The following SSMEM1 variants were observed in gnomAD, a reference collection of about 807,000 sequenced individuals.
SSMEM1 encodes the protein serine rich single-pass membrane protein 1.
In SSMEM1, 12 loss-of-function variants were observed where a neutral mutation model predicts 9.9. That is an observed-to-expected ratio of 1.21 (90% confidence interval 0.78 to 1.96). The LOEUF (loss-of-function observed/expected upper bound fraction) is 1.96, where lower values mean the gene tolerates loss of function less well. Ranked by LOEUF, SSMEM1 falls within the 30% of genes most tolerant of loss-of-function variation. The probability of loss-of-function intolerance (pLI) is 0.00; values close to 1 mark genes in which losing one functional copy is unlikely to be tolerated. For synonymous variants in SSMEM1, 96 were observed against 98.9 expected (o/e 0.97, Z 0.17); for missense variants, 259 against 292.2 (o/e 0.89, Z 0.83).
chr7:130,216,626 A>AT lies in SSMEM1; in HGVS notation c.*158dup, dbSNP rs769060863. 1.3e-5 allele frequency: 12 copies of AT among 913,392 alleles called. No individual in the cohort carries two copies. The highest frequency in any genetic ancestry group is 1.8e-5 in the Non-Finnish European group (11 of 625,340). 56.6% of individuals were successfully genotyped at this position (913,392 alleles called of 1,614,324 possible). ...AACCCAAGAGGTAAAATCTCACACA[A>AT]TTCTTCGTTCAAAAAAAAAAAGGCC... On this transcript the variant is annotated 3_prime_UTR_variant, in exon 3 of 3. Transcript: ENST00000297819.
At position 130,216,368 on chromosome 7, in the gene SSMEM1, G is replaced by T. The variant is rs374890168; in HGVS notation, c.633G>T (p.Ala211=). 1.2e-6 allele frequency: 2 copies of T among 1,614,046 alleles called. No individual in the cohort carries two copies. The highest frequency in any genetic ancestry group is 1.7e-6 in the Non-Finnish European group (2 of 1,180,040). Residue 211 remains alanine, a synonymous_variant, in exon 3 of 3, where the codon GCG becomes GCT. Transcript: ENST00000297819. The part of the protein sequence containing the change: ...CKALRTNEWL[A]HHSRQKPSVT... ...CCTTGAGAACCAACGAATGGTTGGC[G>T]CACCATTCCCGACAGAAGCCTTCAG... is the stretch of plus-strand genomic sequence containing the variant.
At chr7:130,207,810 AG>A (rs1798515882), upstream of SSMEM1, 1 of 1,253,364 alleles carries the variant, frequency 8.0e-7, no homozygotes, top group South Asian at 1.2e-5. Flanking sequence ...GTGTCATAAT[AG>A]GTTGCCAAGG....
At chr7:130,215,119 A>G (rs1798679322) in intron 2 of SSMEM1, among the ~76,000 whole-genome samples, 1 of 152,202 alleles carries the variant, frequency 6.6e-6, no homozygotes, top group Non-Finnish European at 1.5e-5. Context: ...CCTGGCCAAC[A>G]TGGCAAAACC....
chr7:130,213,403 C>A, intron 1 of SSMEM1, 77 bp from the exon 2 acceptor site: 5 of 1,156,208 alleles, frequency 4.3e-6, no homozygotes, highest in Non-Finnish European at 6.3e-6. Flanking sequence ...TGGGCCTCAG[C>A]AATAGTGTTT....
Position 130,216,257 on chromosome 7 carries a change from C to G in SSMEM1, c.522C>G (p.Asp174Glu). 1 of 1,614,116 alleles carries G rather than the reference C, an allele frequency of 6.2e-7. No homozygotes were observed. ...ESESEHHPSP[D>E]SIKRRKMAQR... The stretch of plus-strand genomic sequence containing the variant: ...AAAGTGAACACCACCCATCACCAGA[C>G]AGTATTAAGAGGAGAAAAATGGCTC... The change falls in exon 3 of 3, where the codon GAC becomes GAG. Residue 174 changes from aspartate to glutamate, a missense_variant. Asp to Glu is a conservative substitution (Grantham distance 45). Transcript: ENST00000297819.
chr7:130,209,025 G>A (rs1441580581), intron 1 of SSMEM1, among the ~76,000 whole-genome samples: 3 of 152,168 alleles, frequency 2.0e-5, no homozygotes, highest in Non-Finnish European at 4.4e-5. Context: ...ACCACGCTCT[G>A]CTAACTTCTG....
At chr7:130,207,798 ATG>A, upstream of SSMEM1, 1 of 1,095,480 alleles carries the variant, frequency 9.1e-7, no homozygotes. Flanking sequence ...TTGCTTAAGT[ATG>A]TGTCATAATA....
chr7:130,215,830 C>T, intron 2 of SSMEM1, 144 bp from the exon 3 acceptor site: 1 of 1,083,562 alleles, frequency 9.2e-7, no homozygotes, highest in Admixed American at 2.6e-5. Flanking sequence ...AGTCAGCTGC[C>T]AACACTTGCA....
chr7:130,209,943 T>C (rs1057154801), intron 1 of SSMEM1, among the ~76,000 whole-genome samples: 3 of 152,194 alleles, frequency 2.0e-5, no homozygotes, highest in Non-Finnish European at 4.4e-5. Flanking sequence ...AGCCTTGAGC[T>C]TCCAGGACCT....
upstream of SSMEM1, chr7:130,207,794 A>G (rs1383575126): frequency 9.3e-7 from 1 of 1,070,080 alleles, no homozygotes; most frequent in Non-Finnish European, 1.4e-6. Flanking sequence ...ACAGTTGCTT[A>G]AGTATGTGTC....
chr7:130,210,714 C>T (rs1023843123), intron 1 of SSMEM1, among the ~76,000 whole-genome samples: 7 of 152,218 alleles, frequency 4.6e-5, no homozygotes, highest in African/African-American at 1.7e-4. Flanking sequence ...GCAGGCACTC[C>T]TGCTGTTTTC....
Position 130,207,957 on chromosome 7 carries a change from T to C in SSMEM1, c.47T>C (p.Ile16Thr), listed in dbSNP as rs1798519237. The change falls in exon 1 of 3, where the codon ATA (isoleucine) becomes ACA (threonine). Residue 16 changes from isoleucine to threonine, a missense_variant. Ile to Thr is a moderately conservative substitution (Grantham distance 89, BLOSUM62 -1). Coordinates refer to ENST00000297819, the MANE Select transcript of SSMEM1 (RefSeq NM_145268.4). ...SLFWEVDPPP[I>T]PVNCAIPNQD... is the part of the protein sequence containing the mutation. ...TTTTGGGAGGTAGATCCTCCCCCAA[T>C]ACCTGTAAATTGTGCCATTCCAAAT... is the stretch of plus-strand genomic sequence containing the variant. 6.2e-6 allele frequency: 10 copies of C among 1,614,038 alleles called. No homozygotes were observed. The highest frequency in any genetic ancestry group is 8.5e-6 in the Non-Finnish European group (10 of 1,179,952).
intron 1 of SSMEM1, 28 bp from the exon 2 acceptor site, chr7:130,213,452 C>T: frequency 6.2e-7 from 1 of 1,601,696 alleles, no homozygotes; most frequent in Non-Finnish European, 8.5e-7. Flanking sequence ...ACTGAGATCA[C>T]TCTTACTAAC....
rs746675089 is a variant in SSMEM1, at chr7:130,207,933, T to G, written c.23T>G (p.Phe8Cys). 2 of 1,613,766 alleles carry G rather than the reference T, an allele frequency of 1.2e-6. No homozygotes were observed. The highest frequency in any genetic ancestry group is 1.7e-6 in the Non-Finnish European group (2 of 1,179,882). Reference protein sequence around the residue: MGDLFSLFWEVDPPPIPV... With the variant: MGDLFSLCWEVDPPPIPV... ...ATCATGGGAGACCTTTTTTCCTTATTTTGGGAGGTAGATCCTCCCCCAATA... is the reference window on the plus strand; with the variant it reads ...ATCATGGGAGACCTTTTTTCCTTATGTTGGGAGGTAGATCCTCCCCCAATA... The change falls in exon 1 of 3, where the codon TTT (phenylalanine) becomes TGT (cysteine). Residue 8 changes from phenylalanine to cysteine, a missense_variant. Transcript: ENST00000297819.
chr7:130,207,734 A>G (rs1351527073), upstream of SSMEM1: 3 of 729,002 alleles, frequency 4.1e-6, no homozygotes, highest in Non-Finnish European at 4.9e-6. Flanking sequence ...AGTAATTTGA[A>G]TAACCTTCCA....
chr7:130,215,891 C>T, intron 2 of SSMEM1, 83 bp from the exon 3 acceptor site: 1 of 1,528,988 alleles, frequency 6.5e-7, no homozygotes, highest in South Asian at 1.3e-5. Flanking sequence ...AGAGTGAGCT[C>T]ACACGTGCAC....
intron 2 of SSMEM1, among the ~76,000 whole-genome samples, chr7:130,215,044 T>C (rs1798677001): frequency 6.6e-6 from 1 of 152,232 alleles, no homozygotes; most frequent in Non-Finnish European, 1.5e-5. Flanking sequence ...GGCTCACGCC[T>C]GTAATCTCAG....
chr7:130,213,414 T>C lies in SSMEM1; in HGVS notation c.184-66T>C. The C allele has an allele frequency of 3.7e-6, 5 of 1,355,902 alleles. No homozygotes were observed. The South Asian group carries it at 6.3e-5, about 17-fold the overall frequency. 84.0% of individuals were successfully genotyped at this position (1,355,902 alleles called of 1,614,324 possible). On this transcript the variant is annotated intron_variant, in intron 1 of 2. Transcript: ENST00000297819. Reference sequence around the variant, plus strand: ...TAAATGGGCCTCAGCAATAGTGTTTTATAACAAGTACATATTATCAAAAAA... The same window carrying C: ...TAAATGGGCCTCAGCAATAGTGTTTCATAACAAGTACATATTATCAAAAAA...
chr7:130,215,826 C>T, intron 2 of SSMEM1, 148 bp from the exon 3 acceptor site: 1 of 1,037,570 alleles, frequency 9.6e-7, no homozygotes, highest in Admixed American at 2.7e-5. Context: ...ATGCAGTCAG[C>T]TGCCAACACT....
Sources: gnomAD v4.1 joint callset for allele counts (sites outside exome capture counted in the v4.1 genomes callset) on GRCh38, gnomAD v4.1.1 for gene constraint, MANE v1.5 for transcripts, NCBI Gene and HGNC (gene_info 2026-07-23, HGNC 2026-07-21) for gene names.